SNX25: variants seen among roughly 807,000 people sequenced by gnomAD.
SNX25 encodes sorting nexin 25, also known as sorting nexin-25.
SNX25 carries 62 observed loss-of-function variants against 113.7 expected under a neutral mutation model. The observed-to-expected ratio is 0.55, with a 90% CI of 0.44 to 0.67. The LOEUF (loss-of-function observed/expected upper bound fraction) is 0.67. Ranked by LOEUF, SNX25 falls within the 30% of genes least tolerant of loss-of-function variation. The pLI, the probability that SNX25 is intolerant of heterozygous loss-of-function variation, is 0.00. For missense variants in SNX25, 1,014 were observed against 1,161.0 expected (o/e 0.87, Z 1.84); for synonymous variants, 421 against 436.2 (o/e 0.97, Z 0.43).
intron 13 of SNX25, among the ~76,000 whole-genome samples, chr4:185,350,644 C>T (rs770241762): frequency 1.3e-5 from 2 of 152,116 alleles, no homozygotes; most frequent in Non-Finnish European, 1.5e-5. Context: ...GGGCAGATCA[C>T]GAGGTCAGGA....
chr4:185,331,568 G>T (rs1476379949), intron 9 of SNX25, among the ~76,000 whole-genome samples: 1 of 152,132 alleles, frequency 6.6e-6, no homozygotes, highest in Non-Finnish European at 1.5e-5. Flanking sequence ...ATCACTTGAG[G>T]TCAGGAGTTC....
chr4:185,268,359 G>T (rs1425483538), intron 5 of SNX25, among the ~76,000 whole-genome samples: 1 of 152,174 alleles, frequency 6.6e-6, no homozygotes, highest in Non-Finnish European at 1.5e-5. Context: ...ATCTTTTATA[G>T]GGGAGCACAG....
chr4:185,314,941 C>G (rs1023445478), intron 7 of SNX25, among the ~76,000 whole-genome samples: 1 of 148,580 alleles, frequency 6.7e-6, no homozygotes, highest in Admixed American at 6.7e-5. Context: ...AATCTAAAAC[C>G]TTCCCGGCTG....
intron 5 of SNX25, among the ~76,000 whole-genome samples, chr4:185,267,812 C>A (rs114698167): frequency 0.025 from 3,816 of 151,870 alleles, 154 homozygotes; most frequent in Admixed American, 0.12. Context: ...ATAACATAAA[C>A]AGTTGATTAG....
At chr4:185,321,840 A>G (rs904934199) in intron 8 of SNX25, among the ~76,000 whole-genome samples, 1 of 152,202 alleles carries the variant, frequency 6.6e-6, no homozygotes, top group African/African-American at 2.4e-5. Context: ...ATTATTTCCT[A>G]AAAATACAAA....
chr4:185,342,615 C>T (rs2095265580), intron 12 of SNX25, among the ~76,000 whole-genome samples: 1 of 151,348 alleles, frequency 6.6e-6, no homozygotes, highest in Non-Finnish European at 1.5e-5. Context: ...AGGATTCTAT[C>T]ACATATACAA....
intron 13 of SNX25, among the ~76,000 whole-genome samples, chr4:185,351,024 A>T (rs79501274): frequency 0.016 from 2,407 of 152,360 alleles, 43 homozygotes; most frequent in South Asian, 0.059. Flanking sequence ...GAATATAACC[A>T]TAAAAGGGCA....
chr4:185,335,903 T>C lies in SNX25; in HGVS notation c.1914+3144T>C, dbSNP rs115916954. ...GAAAATAAAATGATCACAGTACTTA[T>C]TGATGTTAAAATGCAGGACAATGGC... is the stretch of plus-strand genomic sequence containing the variant. On this transcript the variant is annotated intron_variant, in intron 10 of 18. Transcript: ENST00000652585. Among the ~76,000 whole-genome samples, 1,276 of 152,238 alleles carry C rather than the reference T, an allele frequency of 8.4e-3. 19 individuals carry two copies. Among genetic ancestry groups the C allele is most frequent in the African/African-American group, 0.029 (1,211 of 41,536 alleles).
At chr4:185,222,258 CAGCACCA>C (rs745741847) in intron 1 of SNX25, among the ~76,000 whole-genome samples, 97,380 of 150,290 alleles carry the variant, frequency 0.65, 31,739 homozygotes, top group East Asian at 0.73. Flanking sequence ...GGTAGGTATA[CAGCACCA>C]TATACCCCTC....
At chr4:185,336,860 G>A (rs1171990118) in intron 10 of SNX25, among the ~76,000 whole-genome samples, 1 of 152,128 alleles carries the variant, frequency 6.6e-6, no homozygotes, top group Non-Finnish European at 1.5e-5. Flanking sequence ...CATTCTTGCA[G>A]GAGTAAGGTG....
rs1239985475 is a variant in SNX25, at chr4:185,232,501, G to C, written c.430-14793G>C. Among the ~76,000 whole-genome samples the C allele has an allele frequency of 6.6e-6, 1 of 152,092 alleles. No homozygotes were observed. Among genetic ancestry groups the C allele is most frequent in the East Asian group, 1.9e-4 (1 of 5,196 alleles). On this transcript the variant is annotated intron_variant, in intron 1 of 18. Transcript: ENST00000652585. The surrounding 1 kb of genome is among the most constrained non-coding windows in gnomAD (Gnocchi z 4.4). Reference sequence around the variant, plus strand: ...TGCAGTTTGTCATGTCCACAGGCCGGATACCAGTACTTAGATTTATCATGC... The same window carrying C: ...TGCAGTTTGTCATGTCCACAGGCCGCATACCAGTACTTAGATTTATCATGC...
At chr4:185,224,474 A>G (rs879920324) in intron 1 of SNX25, among the ~76,000 whole-genome samples, 74,501 of 128,352 alleles carry the variant, frequency 0.58, 22,607 homozygotes, top group East Asian at 0.7. Context: ...TAAATATATA[A>G]ATATATAGAT....
upstream of SNX25, among the ~76,000 whole-genome samples, chr4:185,207,210 C>CTTTTT (rs34373262): frequency 2.0e-4 from 15 of 76,852 alleles, 2 homozygotes; most frequent in Admixed American, 7.3e-4. Context: ...ACCAGTCACA[C>CTTTTT]TTTTTTTTTT....
intron 7 of SNX25, among the ~76,000 whole-genome samples, chr4:185,314,910 T>G (rs2095059413): frequency 6.9e-6 from 1 of 144,588 alleles, no homozygotes; most frequent in Non-Finnish European, 1.5e-5. Context: ...TAACCCACAA[T>G]TTATTGAAGA....
chr4:185,357,067 C>T (rs1262465381), intron 15 of SNX25, among the ~76,000 whole-genome samples: 1 of 152,132 alleles, frequency 6.6e-6, no homozygotes, highest in Non-Finnish European at 1.5e-5. Flanking sequence ...AATTGGGGTT[C>T]AGAGAAGGTG....
At chr4:185,206,688 GA>G (rs1238365769), upstream of SNX25, among the ~76,000 whole-genome samples, 1 of 131,134 alleles carries the variant, frequency 7.6e-6, no homozygotes, top group Non-Finnish European at 1.7e-5. Context: ...AAAAAGAATG[GA>G]AGATGTACTA....
At chr4:185,356,067 C>T (rs2095337437) in intron 15 of SNX25, among the ~76,000 whole-genome samples, 1 of 152,096 alleles carries the variant, frequency 6.6e-6, no homozygotes, top group Non-Finnish European at 1.5e-5. Context: ...GTGATCTATT[C>T]GTCGTCAGCA....
intron 1 of SNX25, among the ~76,000 whole-genome samples, chr4:185,216,628 T>C (rs571093256): frequency 3.4e-5 from 5 of 149,250 alleles, no homozygotes; most frequent in African/African-American, 1.2e-4. Flanking sequence ...CAAGCGATTC[T>C]CCTGCCTCAG....
At chr4:185,294,107 G>A (rs903814247) in intron 6 of SNX25, among the ~76,000 whole-genome samples, 12 of 152,168 alleles carry the variant, frequency 7.9e-5, no homozygotes, top group African/African-American at 4.8e-5. Flanking sequence ...GTGCTGGTGC[G>A]ATCCGCTGAC....
Sources: gnomAD v4.1 joint callset for allele counts (sites outside exome capture counted in the v4.1 genomes callset) on GRCh38, gnomAD v4.1.1 for gene constraint, Gnocchi (gnomAD v3.1) non-coding constraint, MANE v1.5 for transcripts, NCBI Gene and HGNC (gene_info 2026-07-23, HGNC 2026-07-21) for gene names.